ZSCAN31: variants seen among roughly 807,000 people sequenced by gnomAD.
ZSCAN31 encodes the protein zinc finger and SCAN domain containing 31, also known as zinc finger and SCAN domain-containing protein 31.
Under a neutral mutation model 22.5 loss-of-function variants are expected in ZSCAN31, and 14 were observed. The ratio of observed to expected loss-of-function variants is 0.62; its 90% CI spans 0.41 to 0.97. The LOEUF is 0.97. Among genes scored for constraint, ZSCAN31 ranks in the 50% least tolerant of loss-of-function variants. The probability of loss-of-function intolerance (pLI) is 0.00; values close to 1 mark genes in which losing one functional copy is unlikely to be tolerated. For missense variants in ZSCAN31, 424 were observed against 483.4 expected (o/e 0.88, Z 1.15); for synonymous variants, 168 against 169.8 (o/e 0.99, Z 0.08).
rs1004480635 is a variant in ZSCAN31, at chr6:28,347,333, T to C, written c.-370-5541A>G. On this transcript the variant is annotated intron_variant, in intron 2 of 7. Transcript: ENST00000396838. This position sits in a 1 kb window ranked among gnomAD's most constrained non-coding sequence, Gnocchi z 5.2. ...TGCTGTTTCCTCTACCGGGAACACT[T>C]CCTTAGATATGCACAGGGCTAACCC... 6.6e-6 allele frequency among the ~76,000 whole-genome samples: 1 copy of C among 152,180 alleles called. No individual in the cohort carries two copies. Among genetic ancestry groups the C allele is most frequent in the African/African-American group, 2.4e-5 (1 of 41,428 alleles).
intron 1 of ZSCAN31, among the ~76,000 whole-genome samples, chr6:28,330,769 CTATAA>C (rs1290260521): frequency 6.6e-6 from 1 of 151,844 alleles, no homozygotes; most frequent in Non-Finnish European, 1.5e-5. Flanking sequence ...ATGATGAATG[CTATAA>C]TAGAGGCCTC....
chr6:28,336,594 T>C (rs1305743801), upstream of ZSCAN31, among the ~76,000 whole-genome samples: 1 of 134,092 alleles, frequency 7.5e-6, no homozygotes, highest in Non-Finnish European at 1.6e-5. Flanking sequence ...GTTTGGACAC[T>C]TTCCAACTGG....
At chr6:28,329,828 G>T in intron 1 of ZSCAN31, 50 bp from the exon 2 acceptor site, 1 of 946,438 alleles carries the variant, frequency 1.1e-6, no homozygotes, top group Non-Finnish European at 1.5e-6. Context: ...AAAGTAGTGG[G>T]GAAAAAAGCA....
rs192606380 is a variant in ZSCAN31 at position 28,329,385 on chromosome 6, C to A, written c.299G>T (p.Arg100Leu). 1.2e-6 allele frequency: 2 copies of A among 1,614,164 alleles called. No homozygotes were observed. The highest frequency in any genetic ancestry group is 1.7e-6 in the Non-Finnish European group (2 of 1,180,010). ...ILPEELQAWV[R>L]EHHPESGEEA... is the part of the protein sequence containing the mutation. ...CTCCCCACTCTCCGGATGGTGCTCC[C>A]GCACCCAGGCCTGGAGCTCCTCAGG... The change falls in exon 2 of 4, where the codon CGG becomes CTG. Residue 100 changes from arginine (R) to leucine (L), a missense_variant. Arg to Leu is a moderately radical substitution (Grantham distance 102). Coordinates refer to ENST00000344279, the MANE Select transcript of ZSCAN31 (RefSeq NM_030899.5).
intron 3 of ZSCAN31, among the ~76,000 whole-genome samples, chr6:28,341,459 G>A (rs995940772): frequency 4.6e-5 from 7 of 152,088 alleles, no homozygotes; most frequent in African/African-American, 9.7e-5. Context: ...CTTATAGGGC[G>A]CTAACCCCAT....
At chr6:28,343,670 C>T (rs755054435) in intron 2 of ZSCAN31, among the ~76,000 whole-genome samples, 4 of 150,780 alleles carry the variant, frequency 2.7e-5, no homozygotes, top group Non-Finnish European at 5.9e-5. Context: ...GGACTACAGG[C>T]GCCCACCACC....
In ZSCAN31 at chr6:28,351,693, C is replaced by G. The variant is rs991034918; in HGVS notation, c.-371+2169G>C. 2.0e-5 allele frequency among the ~76,000 whole-genome samples: 3 copies of G among 151,454 alleles called. No homozygotes were observed. Among genetic ancestry groups the G allele is most frequent in the Non-Finnish European group, 4.4e-5 (3 of 67,894 alleles). ...TCCTCCCTCTTTCCCTCTCTCCTTTCTTTCCCTCTCCCTCCTTTCTTTGTC... is the reference window on the plus strand; with the variant it reads ...TCCTCCCTCTTTCCCTCTCTCCTTTGTTTCCCTCTCCCTCCTTTCTTTGTC... On this transcript the variant is annotated intron_variant, in intron 2 of 7. Transcript: ENST00000396838. The surrounding 1 kb of genome is among the most constrained non-coding windows in gnomAD (Gnocchi z 4.6).
intron 1 of ZSCAN31, among the ~76,000 whole-genome samples, chr6:28,330,230 A>G (rs750127689): frequency 2.0e-5 from 3 of 152,222 alleles, no homozygotes; most frequent in African/African-American, 4.8e-5. Context: ...GCTGACAGCC[A>G]GCTAACTGCC....
chr6:28,328,202 C>T (rs1049102588), intron 2 of ZSCAN31, among the ~76,000 whole-genome samples: 1 of 152,192 alleles, frequency 6.6e-6, no homozygotes, highest in Non-Finnish European at 1.5e-5. Context: ...GTTTCGGGCA[C>T]CACTGTCATT....
upstream of ZSCAN31, among the ~76,000 whole-genome samples, chr6:28,339,098 A>T (rs1764311360): frequency 6.6e-6 from 1 of 152,186 alleles, no homozygotes; most frequent in Non-Finnish European, 1.5e-5. Context: ...GTGTTCAGTG[A>T]TTCACTTTTC....
intron 2 of ZSCAN31, among the ~76,000 whole-genome samples, chr6:28,327,841 TGAGTCGTAAAAAGTATCA>T (rs1763414894): frequency 6.6e-6 from 1 of 152,064 alleles, no homozygotes; most frequent in South Asian, 2.1e-4. Context: ...ATATAACTTC[TGAGTCGTAAAAAGTATCA>T]GAGAATCTGT....
chr6:28,326,121 A>C lies in ZSCAN31; in HGVS notation c.*45T>G, dbSNP rs926577501. Reference sequence around the variant, plus strand: ...AACAGTATGGATTCTAAAATGCCTAATAAGGTTGCAATGATGACTGAAGGC... The same window carrying C: ...AACAGTATGGATTCTAAAATGCCTACTAAGGTTGCAATGATGACTGAAGGC... On this transcript the variant is annotated 3_prime_UTR_variant, in exon 4 of 4. Transcript: ENST00000344279. 9.2e-6 allele frequency: 14 copies of C among 1,522,596 alleles called. No individual in the cohort carries two copies. The highest frequency in any genetic ancestry group is 9.8e-6 in the Non-Finnish European group (11 of 1,124,604). The allele number at this position is 1,522,596 out of a possible 1,614,324, so 94.3% of individuals were successfully genotyped here. A position where few individuals can be genotyped will look rare whatever the true frequency, so the allele number is the denominator to read the frequency against.
chr6:28,340,117 A>G (rs1764357722), upstream of ZSCAN31, among the ~76,000 whole-genome samples: 1 of 152,252 alleles, frequency 6.6e-6, no homozygotes, highest in Non-Finnish European at 1.5e-5. Context: ...GTGGAAATAG[A>G]TAGGAATCTG....
chr6:28,325,072 C>T lies in ZSCAN31; in HGVS notation c.*1094G>A, dbSNP rs1393326797. 1 of 152,176 alleles carries T rather than the reference C, an allele frequency of 6.6e-6. No individual in the cohort carries two copies. The highest frequency in any genetic ancestry group is 1.5e-5 in the Non-Finnish European group (1 of 68,038). The allele number at this position is 152,176 out of a possible 1,614,324, so 9.4% of individuals were successfully genotyped here. ...CATTTAGATAACTTGCCTAAAGTCCCACAGCTCACAAATGGGGAGGAAAGA... is the reference window on the plus strand; with the variant it reads ...CATTTAGATAACTTGCCTAAAGTCCTACAGCTCACAAATGGGGAGGAAAGA... On this transcript the variant is annotated 3_prime_UTR_variant, in exon 4 of 4. Coordinates refer to ENST00000344279, the MANE Select transcript of ZSCAN31 (RefSeq NM_030899.5).
Position 28,326,394 on chromosome 6 carries a change from A to G in ZSCAN31, c.993T>C (p.Ala331=), listed in dbSNP as rs1180592302. 6.2e-7 allele frequency: 1 copy of G among 1,614,040 alleles called. No individual in the cohort carries two copies. Among genetic ancestry groups the G allele is most frequent in the African/African-American group, 1.3e-5 (1 of 74,910 alleles). The change falls in exon 4 of 4, where the codon GCT becomes GCC. Residue 331 remains alanine, a synonymous_variant. Transcript: ENST00000344279. ...KPYECKVCGK[A]FLLSSCLVQH... ...GAACAAGGCATGAGCTGAGGAGGAAAGCCTTCCCACACACTTTGCATTCAT... is the reference window on the plus strand; with the variant it reads ...GAACAAGGCATGAGCTGAGGAGGAAGGCCTTCCCACACACTTTGCATTCAT...
At chr6:28,327,353 T>C in intron 3 of ZSCAN31, 30 bp downstream of exon 3, 1 of 1,613,130 alleles carries the variant, frequency 6.2e-7, no homozygotes, top group Non-Finnish European at 8.5e-7. Context: ...CCACCAGAGA[T>C]CTCCTGAAGG....
upstream of ZSCAN31, among the ~76,000 whole-genome samples, chr6:28,355,890 C>G (rs933665021): frequency 6.6e-6 from 1 of 152,186 alleles, no homozygotes; most frequent in African/African-American, 2.4e-5. Flanking sequence ...TGTCAAGTGG[C>G]CTATCAAATC....
rs1764673008 is a variant in ZSCAN31, at chr6:28,347,002, C to G, written c.-370-5210G>C. 2.6e-5 allele frequency among the ~76,000 whole-genome samples: 4 copies of G among 152,132 alleles called. No individual in the cohort carries two copies. The highest frequency in any genetic ancestry group is 2.6e-4 in the Admixed American group (4 of 15,264). ...GCTGATGTCTCTTAATTGAGCCTGT[C>G]TCTGGGAATTTTCCTTGGTCAAAAA... On this transcript the variant is annotated intron_variant, in intron 2 of 7. Coordinates refer to the ZSCAN31 transcript ENST00000396838. This position sits in a 1 kb window ranked among gnomAD's most constrained non-coding sequence, Gnocchi z 5.2.
At chr6:28,353,728 A>T (rs1173259908) in intron 2 of ZSCAN31, 1 of 427,692 alleles carries the variant, frequency 2.3e-6, no homozygotes, top group Non-Finnish European at 4.7e-6. Context: ...CTTGCGAGTG[A>T]TTAAAGATAG....
Sources: gnomAD v4.1 joint callset for allele counts (sites outside exome capture counted in the v4.1 genomes callset) on GRCh38, gnomAD v4.1.1 for gene constraint, Gnocchi (gnomAD v3.1) non-coding constraint, MANE v1.5 for transcripts, NCBI Gene and HGNC (gene_info 2026-07-23, HGNC 2026-07-21) for gene names.